C1orf141: variants seen among roughly 807,000 people sequenced by gnomAD.
C1orf141 encodes chromosome 1 open reading frame 141, also known as uncharacterized protein C1orf141.
A neutral mutation model predicts 23.2 loss-of-function variants in C1orf141; 19 were observed. The ratio of observed to expected loss-of-function variants is 0.82; its 90% CI spans 0.57 to 1.20. C1orf141 has a LOEUF of 1.20. Ranked by LOEUF, C1orf141 falls within the 50% of genes most tolerant of loss-of-function variation. The pLI, the probability that C1orf141 is intolerant of heterozygous loss-of-function variation, is 0.00. For synonymous variants in C1orf141, 153 were observed against 154.6 expected (o/e 0.99, Z 0.08); for missense variants, 469 against 455.1 (o/e 1.03, Z -0.28).
At position 67,127,157 on chromosome 1, in the gene C1orf141, G is replaced by A. The variant is rs7525652; in HGVS notation, c.75+9C>T. The A allele has an allele frequency of 5.5e-3, 8,777 of 1,584,528 alleles. 326 individuals are homozygous for A. In the African/African-American group the frequency reaches 0.09, roughly 16 times the overall value. ...GATTAAACTGAATTGTAGCTTATAC[G>A]TCACAAACCTTTGTTCTTCTGGCCA... On this transcript the variant is annotated intron_variant, in intron 3 of 7. Transcript: ENST00000684719.
chr1:67,113,779 A>T, intron 5 of C1orf141: 3 of 1,121,814 alleles, frequency 2.7e-6, no homozygotes, highest in Non-Finnish European at 3.6e-6. Flanking sequence ...AGGAAAGAAA[A>T]TGGATTAGAG....
At chr1:67,141,618 G>A (rs868532249) in intron 1 of C1orf141, among the ~76,000 whole-genome samples, 3 of 152,050 alleles carry the variant, frequency 2.0e-5, no homozygotes, top group African/African-American at 7.2e-5. Flanking sequence ...AATTACCTGG[G>A]TGTAGTGATG....
rs1457682008 is a variant in C1orf141 at position 67,095,377 on chromosome 1, T to G, written c.461A>C (p.Lys154Thr). 2 of 1,563,204 alleles carry G rather than the reference T, an allele frequency of 1.3e-6. No homozygotes were observed. The highest frequency in any genetic ancestry group is 2.8e-5 in the African/African-American group (2 of 72,458). Reference sequence around the variant, plus strand: ...ACTTAATTGATAATTTCTGACCGATTTGTTTTCTTTTATATTAAAATCGTT... The same window carrying G: ...ACTTAATTGATAATTTCTGACCGATGTGTTTTCTTTTATATTAAAATCGTT... The part of the protein sequence containing the change: ...QMNDFNIKEN[K>T]SVRNYQLSKY... The change falls in exon 7 of 8, where the codon AAA (lysine) becomes ACA (threonine). Residue 154 changes from lysine (K) to threonine (T), a missense_variant. Around this residue, in one of 3 missense-constraint regions of C1orf141, gnomAD observed 370 missense variants for 348.1 expected, o/e 1.06. Coordinates refer to ENST00000684719, the MANE Select transcript of C1orf141 (RefSeq NM_001276351.2).
chr1:67,111,490 T>G, intron 5 of C1orf141: 1 of 486,912 alleles, frequency 2.1e-6, no homozygotes, highest in Non-Finnish European at 3.5e-6. Flanking sequence ...TTCACTTGAA[T>G]TTTGGATTTG....
chr1:67,130,073 G>A (rs998067637), intron 2 of C1orf141, among the ~76,000 whole-genome samples: 6 of 152,090 alleles, frequency 3.9e-5, no homozygotes, highest in African/African-American at 1.4e-4. Flanking sequence ...AGGACAATAG[G>A]GGACAGATTT....
intron 7 of C1orf141, chr1:67,094,057 G>A (rs11800698): frequency 0.1 from 15,257 of 152,404 alleles, 1,205 homozygotes; most frequent in African/African-American, 0.22. Context: ...ATTCTAGTAA[G>A]TAATTCAAAA....
chr1:67,134,757 C>G (rs557596031), intron 1 of C1orf141, among the ~76,000 whole-genome samples, 173 bp downstream of exon 1: 2 of 152,262 alleles, frequency 1.3e-5, no homozygotes, highest in Non-Finnish European at 2.9e-5. Context: ...CGGTCCCACA[C>G]TTGCCTGACC....
chr1:67,104,443 T>A (rs934804600), intron 5 of C1orf141, among the ~76,000 whole-genome samples: 4 of 152,094 alleles, frequency 2.6e-5, no homozygotes, highest in Non-Finnish European at 5.9e-5. Flanking sequence ...AGACCACAGA[T>A]GTCTTGAAAG....
At chr1:67,137,263 AG>A (rs35270251), upstream of C1orf141, among the ~76,000 whole-genome samples, 1 of 152,198 alleles carries the variant, frequency 6.6e-6, no homozygotes, top group Non-Finnish European at 1.5e-5. Flanking sequence ...AGTTTATTAC[AG>A]GGAAAGGTTA....
intron 5 of C1orf141, among the ~76,000 whole-genome samples, chr1:67,102,097 A>G (rs895001557): frequency 7.9e-5 from 12 of 152,282 alleles, no homozygotes; most frequent in African/African-American, 2.9e-4. Flanking sequence ...GTTTTTCAAA[A>G]TGGTGAGCTA....
intron 4 of C1orf141, chr1:67,124,083 G>A (rs940567617): frequency 1.3e-5 from 2 of 152,166 alleles, no homozygotes; most frequent in African/African-American, 4.8e-5. Context: ...CAATTTGTTA[G>A]CTGTATGACC....
rs74805878 is a variant in C1orf141 at position 67,132,758 on chromosome 1, G to A, written c.-103-1531C>T. On this transcript the variant is annotated intron_variant, in intron 1 of 7. Transcript: ENST00000684719. ...GATGTTACTTCATAATGATTTACTGGAAGATGAAATAAAAAGTTGAGTGTA... is the reference window on the plus strand; with the variant it reads ...GATGTTACTTCATAATGATTTACTGAAAGATGAAATAAAAAGTTGAGTGTA... Among the ~76,000 whole-genome samples, 218 of 152,304 alleles carry A rather than the reference G, an allele frequency of 1.4e-3. 1 individual carries two copies. The highest frequency in any genetic ancestry group is 2.1e-3 in the Non-Finnish European group (140 of 68,030).
At chr1:67,131,991 G>A (rs1267255936) in intron 1 of C1orf141, among the ~76,000 whole-genome samples, 2 of 151,414 alleles carry the variant, frequency 1.3e-5, no homozygotes, top group Non-Finnish European at 2.9e-5. Context: ...CACCATATTG[G>A]CCAGGCTGGT....
chr1:67,098,390 G>A (rs371398143), intron 5 of C1orf141, among the ~76,000 whole-genome samples: 5 of 152,100 alleles, frequency 3.3e-5, no homozygotes, highest in Non-Finnish European at 5.9e-5. Context: ...GCATTGTGGC[G>A]AACGCCTTAT....
chr1:67,107,400 C>A (rs1182622014), intron 5 of C1orf141, among the ~76,000 whole-genome samples: 2 of 152,020 alleles, frequency 1.3e-5, no homozygotes, highest in East Asian at 3.8e-4. Context: ...TCACCAATTA[C>A]ATTAAACATT....
Position 67,095,295 on chromosome 1 carries a change from C to T in C1orf141, c.543G>A (p.Leu181=). The T allele has an allele frequency of 6.2e-7, 1 of 1,607,814 alleles. No homozygotes were observed. Residue 181 remains leucine, a synonymous_variant, in exon 7 of 8, where the codon TTG becomes TTA. Transcript: ENST00000684719. Reference sequence around the variant, plus strand: ...TGACTATCTTGGCATGTGGATTTTTCAATTCATCCTCAAAGCACAACGGGA... The same window carrying T: ...TGACTATCTTGGCATGTGGATTTTTTAATTCATCCTCAAAGCACAACGGGA... The part of the protein sequence containing the change: ...SLLPLCFEDE[L]KNPHAKIVNV...
intron 1 of C1orf141, among the ~76,000 whole-genome samples, chr1:67,134,583 G>A (rs572785310): frequency 6.6e-6 from 1 of 152,086 alleles, no homozygotes; most frequent in East Asian, 1.9e-4. Flanking sequence ...CCTCCATCTC[G>A]CTGGAAACAT....
chr1:67,120,490 C>G (rs1177769159), intron 4 of C1orf141, among the ~76,000 whole-genome samples: 1 of 152,060 alleles, frequency 6.6e-6, no homozygotes, highest in Admixed American at 6.6e-5. Flanking sequence ...TTTGCATCCC[C>G]CCCTTCAAAT....
chr1:67,116,350 A>C (rs1646193233), intron 4 of C1orf141, among the ~76,000 whole-genome samples: 3 of 152,010 alleles, frequency 2.0e-5, no homozygotes, highest in Non-Finnish European at 1.5e-5. Context: ...CTTTCTTTGA[A>C]ATAGATTCCA....
Sources: gnomAD v4.1 joint callset for allele counts (sites outside exome capture counted in the v4.1 genomes callset) on GRCh38, gnomAD v4.1.1 for gene constraint, gnomAD v4.1.1 regional missense constraint, MANE v1.5 for transcripts, NCBI Gene and HGNC (gene_info 2026-07-23, HGNC 2026-07-21) for gene names.